RNF38: variants seen among roughly 807,000 people sequenced by gnomAD.
RNF38 encodes ring finger protein 38, also known as E3 ubiquitin-protein ligase RNF38.
In RNF38, 15 loss-of-function variants were observed where a neutral mutation model predicts 67.2. The observed-to-expected ratio is 0.22, with a 90% CI of 0.15 to 0.34. RNF38 has a LOEUF of 0.34. RNF38 is among the 10% of genes least tolerant of loss of function. The pLI, the probability that RNF38 is intolerant of heterozygous loss-of-function variation, is 1.00. For missense variants in RNF38, 524 were observed against 639.9 expected, an observed-to-expected ratio of 0.82 and a Z score of 1.95; for synonymous variants, 220 against 218.8, an observed-to-expected ratio of 1.01 and a Z score of -0.05.
chr9:36,359,196 G>T (rs1834340037), intron 4 of RNF38, among the ~76,000 whole-genome samples: 1 of 151,752 alleles, frequency 6.6e-6, no homozygotes, highest in African/African-American at 2.4e-5. Flanking sequence ...ATTGCTTGTT[G>T]TGTGTAATGA....
intron 1 of RNF38, among the ~76,000 whole-genome samples, chr9:36,467,281 G>A (rs78049640): frequency 0.047 from 6,565 of 139,264 alleles, 500 homozygotes; most frequent in African/African-American, 0.16. Context: ...ATACATATAT[G>A]GGTAACAGTA....
chr9:36,397,851 T>C (rs188927126), intron 1 of RNF38, among the ~76,000 whole-genome samples: 10 of 152,326 alleles, frequency 6.6e-5, no homozygotes, highest in Admixed American at 6.5e-4. Context: ...AAGAAGTATG[T>C]CTAAAATCGT....
intron 1 of RNF38, among the ~76,000 whole-genome samples, chr9:36,449,625 C>T (rs1338490347): frequency 2.0e-5 from 3 of 152,076 alleles, no homozygotes; most frequent in Non-Finnish European, 4.4e-5. Flanking sequence ...TTAATAGAGA[C>T]GGGGTTTCAC....
At chr9:36,400,511 G>C (rs1349232564), upstream of RNF38, 6 of 996,620 alleles carry the variant, frequency 6.0e-6, 1 homozygote, top group Non-Finnish European at 3.6e-6. Context: ...CCCGCAGCCC[G>C]TCCCGCCCTC....
chr9:36,349,224 CCTG>C (rs993535746), intron 9 of RNF38, among the ~76,000 whole-genome samples: 1 of 152,200 alleles, frequency 6.6e-6, no homozygotes, highest in African/African-American at 2.4e-5. Context: ...GGTTTTCCTG[CCTG>C]CTAACACAAC....
At chr9:36,347,993 G>A (rs540319869) in intron 9 of RNF38, among the ~76,000 whole-genome samples, 3 of 152,008 alleles carry the variant, frequency 2.0e-5, no homozygotes, top group Non-Finnish European at 2.9e-5. Context: ...GGAGAATGAC[G>A]TGAACCCAGG....
At chr9:36,399,039 G>T (rs116410912) in intron 1 of RNF38, among the ~76,000 whole-genome samples, 1 of 152,188 alleles carries the variant, frequency 6.6e-6, no homozygotes, top group African/African-American at 2.4e-5. Flanking sequence ...AGAGACAACA[G>T]ATCTACACTC....
upstream of RNF38, chr9:36,400,774 G>A (rs1466506157): frequency 2.7e-5 from 27 of 985,436 alleles, no homozygotes; most frequent in Non-Finnish European, 3.0e-5. Flanking sequence ...ACGGCTGCAC[G>A]CCCAGAGATG....
At chr9:36,384,209 T>C (rs1836421595) in intron 2 of RNF38, among the ~76,000 whole-genome samples, 1 of 152,270 alleles carries the variant, frequency 6.6e-6, no homozygotes, top group African/African-American at 2.4e-5. Flanking sequence ...GCTATAATTA[T>C]AGATAAGAGA....
At chr9:36,451,230 G>A (rs547235034) in intron 1 of RNF38, among the ~76,000 whole-genome samples, 9 of 152,044 alleles carry the variant, frequency 5.9e-5, no homozygotes, top group Admixed American at 1.3e-4. Flanking sequence ...TTGGGAGGCC[G>A]AGGCAGGAGG....
intron 4 of RNF38, among the ~76,000 whole-genome samples, chr9:36,358,172 A>ACTT (rs1308924307): frequency 1.3e-5 from 2 of 152,144 alleles, no homozygotes; most frequent in Admixed American, 1.3e-4. Context: ...CCCTCAAATG[A>ACTT]CTTGAAAAGC....
intron 1 of RNF38, among the ~76,000 whole-genome samples, chr9:36,429,737 T>C (rs1838879600): frequency 6.6e-6 from 1 of 152,170 alleles, no homozygotes; most frequent in Admixed American, 6.6e-5. Context: ...GAGGTTGTAG[T>C]GAGCTGAGAT....
chr9:36,451,651 C>T (rs1705065392), intron 1 of RNF38, among the ~76,000 whole-genome samples: 2 of 151,490 alleles, frequency 1.3e-5, no homozygotes, highest in African/African-American at 4.8e-5. Context: ...CAGGCATGTG[C>T]CACCATGCCC....
chr9:36,373,448 T>C (rs1223293189), intron 3 of RNF38, among the ~76,000 whole-genome samples: 4 of 152,110 alleles, frequency 2.6e-5, no homozygotes, highest in African/African-American at 9.7e-5. Context: ...TTAAAAACTA[T>C]GACTGAACAG....
chr9:36,446,810 GAAAAAAAAAA>G (rs60691553), intron 1 of RNF38, among the ~76,000 whole-genome samples: 848 of 28,210 alleles, frequency 0.03, 10 homozygotes, highest in South Asian at 0.098. Flanking sequence ...TCCGCCTCAA[GAAAAAAAAAA>G]AAAAAAAAAA....
chr9:36,416,987 G>A (rs934644608), intron 2 of RNF38, among the ~76,000 whole-genome samples: 2 of 152,026 alleles, frequency 1.3e-5, no homozygotes, highest in African/African-American at 4.8e-5. Flanking sequence ...CCTGACTGCA[G>A]ATGATCCACC....
intron 1 of RNF38, among the ~76,000 whole-genome samples, chr9:36,468,904 G>C (rs1221462665): frequency 6.6e-6 from 1 of 151,926 alleles, no homozygotes; most frequent in Non-Finnish European, 1.5e-5. Flanking sequence ...ACAAGGTCAG[G>C]AGTTCAAGAC....
chr9:36,467,563 A>G (rs867076562), intron 1 of RNF38, among the ~76,000 whole-genome samples: 3 of 152,274 alleles, frequency 2.0e-5, no homozygotes, highest in Middle Eastern at 3.4e-3. Flanking sequence ...CTCTGCTTCA[A>G]GAGTCACTAA....
At chr9:36,451,190 G>A (rs1301174365) in intron 1 of RNF38, among the ~76,000 whole-genome samples, 5 of 152,054 alleles carry the variant, frequency 3.3e-5, no homozygotes, top group Admixed American at 1.3e-4. Context: ...TTGGCCGGGC[G>A]CAGTGGCTCA....
Sources: allele counts gnomAD v4.1 joint callset (sites outside exome capture counted in the v4.1 genomes callset), GRCh38; gene constraint gnomAD v4.1.1; transcripts MANE v1.5; gene names NCBI Gene and HGNC (gene_info 2026-07-23, HGNC 2026-07-21).